The following ZBTB20 variants were observed in gnomAD, a reference collection of about 807,000 sequenced individuals.
The protein encoded by ZBTB20 is zinc finger and BTB domain containing 20.
A neutral mutation model predicts 56.9 loss-of-function variants in ZBTB20; 9 were observed. That is an observed-to-expected ratio of 0.16 (90% confidence interval 0.10 to 0.28). The LOEUF is 0.28. ZBTB20 is among the 10% of genes least tolerant of loss of function. The probability of loss-of-function intolerance (pLI) is 1.00; values close to 1 mark genes in which losing one functional copy is unlikely to be tolerated. For synonymous variants in ZBTB20, 417 were observed against 420.7 expected, an observed-to-expected ratio of 0.99 and a Z score of 0.11; for missense variants, 655 against 1,003.0, an observed-to-expected ratio of 0.65 and a Z score of 4.69.
At chr3:114,709,819 T>C (rs886121009) in intron 5 of ZBTB20, among the ~76,000 whole-genome samples, 1 of 152,184 alleles carries the variant, frequency 6.6e-6, no homozygotes. Flanking sequence ...TTCACAAACA[T>C]ATACACTCTG....
At chr3:114,934,304 C>G (rs1472073768) in intron 3 of ZBTB20, among the ~76,000 whole-genome samples, 4 of 152,168 alleles carry the variant, frequency 2.6e-5, no homozygotes, top group South Asian at 2.1e-4. Context: ...TTCAGGAAAG[C>G]CTTCTTTACT....
At chr3:114,661,400 T>C (rs2060715598) in intron 6 of ZBTB20, among the ~76,000 whole-genome samples, 1 of 152,178 alleles carries the variant, frequency 6.6e-6, no homozygotes. Context: ...TATTTAGTAA[T>C]AGCCTTTTCA....
intron 2 of ZBTB20, among the ~76,000 whole-genome samples, chr3:115,045,214 C>T (rs1046076412): frequency 6.6e-6 from 1 of 152,020 alleles, no homozygotes; most frequent in Non-Finnish European, 1.5e-5. Context: ...TCATATTGAA[C>T]ATTCTTATTC....
intron 6 of ZBTB20, among the ~76,000 whole-genome samples, chr3:114,558,997 G>A (rs968455630): frequency 2.6e-5 from 4 of 152,094 alleles, no homozygotes; most frequent in Non-Finnish European, 5.9e-5. Flanking sequence ...CATGCCATCC[G>A]TGTGAGATTT....
intron 2 of ZBTB20, among the ~76,000 whole-genome samples, chr3:114,995,609 T>G (rs1322729442): frequency 6.6e-6 from 1 of 151,836 alleles, no homozygotes; most frequent in Non-Finnish European, 1.5e-5. Context: ...TCAGCAGAAA[T>G]CAGATATAAG....
chr3:114,411,568 T>A (rs982019606), intron 7 of ZBTB20, among the ~76,000 whole-genome samples: 1 of 152,176 alleles, frequency 6.6e-6, no homozygotes, highest in East Asian at 1.9e-4. Context: ...TCATATTTAA[T>A]TTATTCTGTT....
intron 6 of ZBTB20, among the ~76,000 whole-genome samples, chr3:114,535,991 C>T (rs559190106): frequency 5.6e-4 from 85 of 152,268 alleles, no homozygotes; most frequent in African/African-American, 1.9e-3. Context: ...ATTGATGGAA[C>T]GTATCTCAAA....
At chr3:114,496,686 A>T (rs1258294805) in intron 7 of ZBTB20, among the ~76,000 whole-genome samples, 1 of 152,208 alleles carries the variant, frequency 6.6e-6, no homozygotes, top group Non-Finnish European at 1.5e-5. Context: ...TCTAATTCAG[A>T]GAGAAGGAAT....
chr3:114,536,716 A>C (rs2048503945), intron 6 of ZBTB20, among the ~76,000 whole-genome samples: 1 of 152,206 alleles, frequency 6.6e-6, no homozygotes, highest in Admixed American at 6.5e-5. Context: ...AGCTGGAGGC[A>C]TCACGCTACC....
At chr3:114,371,517 C>T (rs1197480730) in intron 10 of ZBTB20, among the ~76,000 whole-genome samples, 1 of 152,194 alleles carries the variant, frequency 6.6e-6, no homozygotes, top group Non-Finnish European at 1.5e-5. Context: ...ATCTTCTCTA[C>T]AAGACTCTAA....
At chr3:114,535,978 G>C (rs2048413427) in intron 6 of ZBTB20, among the ~76,000 whole-genome samples, 1 of 152,104 alleles carries the variant, frequency 6.6e-6, no homozygotes, top group Non-Finnish European at 1.5e-5. Flanking sequence ...CAATAAACTA[G>C]GTATTGATGG....
At chr3:115,104,281 G>T (rs990370719) in intron 1 of ZBTB20, among the ~76,000 whole-genome samples, 2 of 152,188 alleles carry the variant, frequency 1.3e-5, no homozygotes, top group Non-Finnish European at 2.9e-5. Flanking sequence ...CACTTTGGAA[G>T]ACAGTTTGGC....
chr3:115,110,657 A>G (rs1307187203), intron 1 of ZBTB20, among the ~76,000 whole-genome samples: 1 of 152,212 alleles, frequency 6.6e-6, no homozygotes, highest in East Asian at 1.9e-4. Context: ...AATTTTGACT[A>G]GTTTATCAGT....
chr3:114,714,810 T>C (rs1454624025), intron 5 of ZBTB20, among the ~76,000 whole-genome samples: 1 of 152,226 alleles, frequency 6.6e-6, no homozygotes, highest in African/African-American at 2.4e-5. Flanking sequence ...AGCAGAGTTA[T>C]GCAAAACAAT....
intron 2 of ZBTB20, among the ~76,000 whole-genome samples, chr3:115,052,581 A>G (rs1287078065): frequency 6.6e-6 from 1 of 152,194 alleles, no homozygotes; most frequent in African/African-American, 2.4e-5. Context: ...TTCCTCCTGC[A>G]AAGTTTAACT....
intron 4 of ZBTB20, among the ~76,000 whole-genome samples, chr3:114,890,427 G>C (rs888048613): frequency 6.6e-6 from 1 of 152,130 alleles, no homozygotes; most frequent in Non-Finnish European, 1.5e-5. Context: ...GATCTAACTC[G>C]GATAGGATGG....
intron 6 of ZBTB20, among the ~76,000 whole-genome samples, chr3:114,514,163 G>GA (rs1204310761): frequency 6.6e-6 from 1 of 151,906 alleles, no homozygotes; most frequent in Non-Finnish European, 1.5e-5. Context: ...AAAACAAAAG[G>GA]AAAAAAATAA....
At chr3:114,481,400 G>A (rs909580351) in intron 7 of ZBTB20, among the ~76,000 whole-genome samples, 1 of 152,128 alleles carries the variant, frequency 6.6e-6, no homozygotes, top group African/African-American at 2.4e-5. Flanking sequence ...TGAGAGATCC[G>A]TTATGTTTCT....
chr3:114,944,332 A>C (rs2076817505), intron 3 of ZBTB20, among the ~76,000 whole-genome samples: 1 of 145,856 alleles, frequency 6.9e-6, no homozygotes, highest in Non-Finnish European at 1.5e-5. Flanking sequence ...AAAGACAGTA[A>C]GGGTTGGCAA....
Sources: allele counts gnomAD v4.1 joint callset (sites outside exome capture counted in the v4.1 genomes callset), GRCh38; gene constraint gnomAD v4.1.1; transcripts MANE v1.5; gene names NCBI Gene and HGNC (gene_info 2026-07-23, HGNC 2026-07-21).